The following GALNT13 variants were observed in gnomAD, a reference collection of about 807,000 sequenced individuals.
GALNT13 encodes the protein polypeptide N-acetylgalactosaminyltransferase 13.
In GALNT13, 28 loss-of-function variants were observed where a neutral mutation model predicts 64.2. That is an observed-to-expected ratio of 0.44 (90% CI 0.32 to 0.60). The LOEUF (loss-of-function observed/expected upper bound fraction) is 0.60. GALNT13 is among the 20% of genes least tolerant of loss of function. The probability of loss-of-function intolerance (pLI) is 0.05; values close to 1 mark genes in which losing one functional copy is unlikely to be tolerated. For synonymous variants in GALNT13, 214 were observed against 224.6 expected (o/e 0.95, Z 0.42); for missense variants, 577 against 669.8 (o/e 0.86, Z 1.53).
intron 8 of GALNT13, among the ~76,000 whole-genome samples, chr2:154,275,614 G>T (rs188762557): frequency 2.0e-5 from 3 of 152,278 alleles, no homozygotes; most frequent in African/African-American, 7.2e-5. Context: ...GAGGTATGCT[G>T]CAGGAGTGGA....
rs544558772 is a variant in GALNT13 at position 153,916,105 on chromosome 2, T to G, written c.-105+15098T>G. Among the ~76,000 whole-genome samples, 16 of 151,146 alleles carry G rather than the reference T, an allele frequency of 1.1e-4. No individual in the cohort carries two copies. The South Asian group carries it at 3.0e-3, about 28-fold the overall frequency. On this transcript the variant is annotated intron_variant, in intron 2 of 12. Coordinates refer to ENST00000392825, the MANE Select transcript of GALNT13 (RefSeq NM_052917.4). ...TCTTTTTCCTTCCTTCCTTCTGTCC[T>G]TCCTTCCTCCCTTCCTTCCTTCGTT...
At chr2:153,191,563 G>T in the GALNT13 span, among the ~76,000 whole-genome samples, 1 of 152,016 alleles carries the variant, frequency 6.6e-6, no homozygotes, top group Non-Finnish European at 1.5e-5. Context: ...TTTGGTAGTA[G>T]GTTAATGCTG....
At chr2:153,131,139 T>C in the GALNT13 span, among the ~76,000 whole-genome samples, 1 of 152,156 alleles carries the variant, frequency 6.6e-6, no homozygotes, top group Admixed American at 6.5e-5. Flanking sequence ...ATTAATGATG[T>C]GAAAAAAGAC....
At chr2:153,355,482 A>G in the GALNT13 span, among the ~76,000 whole-genome samples, 1 of 152,158 alleles carries the variant, frequency 6.6e-6, no homozygotes, top group Non-Finnish European at 1.5e-5. Flanking sequence ...TAGATATTTC[A>G]GTTGTTTCTG....
intron 9 of GALNT13, among the ~76,000 whole-genome samples, chr2:154,347,465 A>G (rs1696135312): frequency 1.3e-5 from 2 of 151,890 alleles, no homozygotes; most frequent in Non-Finnish European, 2.9e-5. Context: ...TTTTTTCTTT[A>G]TTTTGTAAAT....
the GALNT13 span, among the ~76,000 whole-genome samples, chr2:153,719,653 T>G: frequency 1.8e-3 from 276 of 152,126 alleles, 2 homozygotes; most frequent in Middle Eastern, 6.8e-3. Flanking sequence ...ACCTGGGAAG[T>G]GCAAGGGGTC....
the GALNT13 span, among the ~76,000 whole-genome samples, chr2:153,378,290 AG>A: frequency 5.1e-4 from 75 of 148,332 alleles, no homozygotes; most frequent in South Asian, 1.1e-3. Flanking sequence ...ATAGATAGAT[AG>A]ATAGATAGAT....
chr2:153,432,852 A>G, the GALNT13 span, among the ~76,000 whole-genome samples: 2 of 152,192 alleles, frequency 1.3e-5, no homozygotes, highest in Admixed American at 6.5e-5. Flanking sequence ...TACCTCTTAA[A>G]GATAATAAAT....
chr2:153,898,030 G>A (rs950356225), intron 1 of GALNT13, among the ~76,000 whole-genome samples: 1 of 152,022 alleles, frequency 6.6e-6, no homozygotes, highest in African/African-American at 2.4e-5. Context: ...CATAGGTTGA[G>A]TGGATTTTTT....
chr2:153,123,143 C>T, the GALNT13 span, among the ~76,000 whole-genome samples: 5 of 151,984 alleles, frequency 3.3e-5, no homozygotes, highest in Admixed American at 2.6e-4. Context: ...GGATGAATGC[C>T]ATACAAAGAC....
At chr2:153,351,550 C>A in the GALNT13 span, among the ~76,000 whole-genome samples, 2 of 149,686 alleles carry the variant, frequency 1.3e-5, no homozygotes, top group East Asian at 3.8e-4. Context: ...TCTAATGACA[C>A]AAATCCATTC....
At chr2:153,158,690 A>T in the GALNT13 span, among the ~76,000 whole-genome samples, 1 of 152,184 alleles carries the variant, frequency 6.6e-6, no homozygotes, top group Non-Finnish European at 1.5e-5. Flanking sequence ...AACATGATGT[A>T]TTTTGAAAAT....
At chr2:153,764,856 G>A in the GALNT13 span, among the ~76,000 whole-genome samples, 1 of 152,188 alleles carries the variant, frequency 6.6e-6, no homozygotes, top group Non-Finnish European at 1.5e-5. Context: ...TTCACATCCA[G>A]CCATAGCAAA....
At chr2:154,168,813 G>T (rs1685186162) in intron 4 of GALNT13, among the ~76,000 whole-genome samples, 1 of 152,044 alleles carries the variant, frequency 6.6e-6, no homozygotes, top group Admixed American at 6.6e-5. Flanking sequence ...CTGAACTCCA[G>T]CCTGGGTAAC....
the GALNT13 span, among the ~76,000 whole-genome samples, chr2:153,789,909 A>G: frequency 2.0e-5 from 3 of 152,178 alleles, no homozygotes; most frequent in Non-Finnish European, 4.4e-5. Context: ...GAGCAGACCA[A>G]TAATGAGCTC....
the GALNT13 span, among the ~76,000 whole-genome samples, chr2:153,457,534 G>A: frequency 6.6e-6 from 1 of 152,042 alleles, no homozygotes; most frequent in African/African-American, 2.4e-5. Flanking sequence ...TATTGAACTA[G>A]ACACTTCATC....
At chr2:153,870,411 C>A (rs1186327115), upstream of GALNT13, among the ~76,000 whole-genome samples, 1 of 151,960 alleles carries the variant, frequency 6.6e-6, no homozygotes, top group African/African-American at 2.4e-5. Context: ...AGCATCAGAA[C>A]CCCAATCTTT....
intron 2 of GALNT13, among the ~76,000 whole-genome samples, chr2:153,916,620 CTG>C (rs1340899273): frequency 6.6e-6 from 1 of 152,080 alleles, no homozygotes; most frequent in Non-Finnish European, 1.5e-5. Context: ...CATGATATAA[CTG>C]TGTTTAAATG....
chr2:153,783,963 A>G, the GALNT13 span, among the ~76,000 whole-genome samples: 1 of 152,178 alleles, frequency 6.6e-6, no homozygotes, highest in Non-Finnish European at 1.5e-5. Flanking sequence ...CATACAGTAA[A>G]CTGGTACTGC....
Sources: gnomAD v4.1 joint callset for allele counts (sites outside exome capture counted in the v4.1 genomes callset) on GRCh38, gnomAD v4.1.1 for gene constraint, MANE v1.5 for transcripts, NCBI Gene and HGNC (gene_info 2026-07-23, HGNC 2026-07-21) for gene names.